Variants in HMGN5 observed in about 807,000 individuals in gnomAD.
The protein encoded by HMGN5 is high mobility group nucleosome binding domain 5.
A neutral mutation model predicts 9.5 loss-of-function variants in HMGN5; 4 were observed. The ratio of observed to expected loss-of-function variants is 0.42; its 90% CI spans 0.21 to 0.96. The LOEUF is 0.96. Ranked by LOEUF, HMGN5 falls within the 40% of genes least tolerant of loss-of-function variation. HMGN5 has a pLI of 0.30. For missense variants in HMGN5, 192 were observed against 187.5 expected (o/e 1.02, Z -0.14); for synonymous variants, 55 against 57.1 (o/e 0.96, Z 0.16).
chrX:81,199,637 C>A (rs147040111), intron 1 of HMGN5, among the ~76,000 whole-genome samples: 2,163 of 112,053 alleles, frequency 0.019, 48 homozygotes, highest in African/African-American at 0.066. Context: ...AAAGGATTCC[C>A]TATTTAATAA....
chrX:81,117,415 T>C (rs2075256980), intron 5 of HMGN5, among the ~76,000 whole-genome samples: 1 of 108,772 alleles, frequency 9.2e-6, no homozygotes, highest in African/African-American at 3.4e-5. Flanking sequence ...CGGCTAATTT[T>C]TGTATTTTCT....
intron 5 of HMGN5, among the ~76,000 whole-genome samples, chrX:81,117,584 T>C (rs772748616): frequency 2.2e-4 from 25 of 111,390 alleles, no homozygotes; most frequent in African/African-American, 5.9e-4. Flanking sequence ...GTATTTACTG[T>C]TTTAAAAACT....
intron 1 of HMGN5, among the ~76,000 whole-genome samples, chrX:81,123,586 G>A (rs1226493899): frequency 1.8e-5 from 2 of 112,345 alleles, no homozygotes; most frequent in African/African-American, 6.5e-5. Context: ...ATGAAAATGT[G>A]TCAGCAGTGG....
At chrX:81,182,175 A>G (rs1236369259) in intron 1 of HMGN5, among the ~76,000 whole-genome samples, 3 of 111,949 alleles carry the variant, frequency 2.7e-5, no homozygotes, top group African/African-American at 9.7e-5. Context: ...TGCGGTTTTG[A>G]TACGCATTTC....
At chrX:81,139,052 G>T (rs1006383246) in intron 1 of HMGN5, among the ~76,000 whole-genome samples, 1 of 111,802 alleles carries the variant, frequency 8.9e-6, no homozygotes, top group Non-Finnish European at 1.9e-5. Context: ...TCTCTGAATT[G>T]GTCTATAGAT....
chrX:81,165,182 A>G (rs2075407732), intron 1 of HMGN5, among the ~76,000 whole-genome samples: 2 of 111,086 alleles, frequency 1.8e-5, no homozygotes, highest in Admixed American at 1.9e-4. Flanking sequence ...GGTCTCATCC[A>G]TTCCCATGGA....
intron 1 of HMGN5, among the ~76,000 whole-genome samples, chrX:81,124,901 C>T (rs748236595): frequency 1.8e-5 from 2 of 110,637 alleles, no homozygotes; most frequent in East Asian, 2.8e-4. Flanking sequence ...GGAACTGTAA[C>T]GTGTCCATTT....
intron 1 of HMGN5, among the ~76,000 whole-genome samples, chrX:81,190,145 G>A (rs1036240515): frequency 7.2e-5 from 8 of 111,099 alleles, no homozygotes; most frequent in African/African-American, 1.3e-4. Context: ...TTAAGTATTC[G>A]TATATTTTGT....
intron 1 of HMGN5, among the ~76,000 whole-genome samples, chrX:81,165,164 C>T (rs2075407668): frequency 9.0e-6 from 1 of 110,912 alleles, no homozygotes; most frequent in Non-Finnish European, 1.9e-5. Flanking sequence ...TGTATTTTTT[C>T]CTTAGTTGGT....
chrX:81,160,478 C>G (rs2075395258), intron 1 of HMGN5, among the ~76,000 whole-genome samples: 1 of 110,818 alleles, frequency 9.0e-6, no homozygotes, highest in Non-Finnish European at 1.9e-5. Flanking sequence ...AGGTTTTAAG[C>G]CCCACATTGA....
chrX:81,150,775 A>C (rs904955219), intron 1 of HMGN5, among the ~76,000 whole-genome samples: 4 of 111,418 alleles, frequency 3.6e-5, no homozygotes, highest in Non-Finnish European at 7.5e-5. Context: ...TAAATGGAAA[A>C]TGAAAAAGGA....
chrX:81,195,471 C>A (rs2075505466), intron 1 of HMGN5, among the ~76,000 whole-genome samples: 1 of 111,430 alleles, frequency 9.0e-6, no homozygotes, highest in African/African-American at 3.3e-5. Flanking sequence ...CCTTTGGCAA[C>A]ACCCTCACAG....
intron 1 of HMGN5, among the ~76,000 whole-genome samples, chrX:81,155,583 A>G (rs1359723088): frequency 8.9e-6 from 1 of 111,850 alleles, no homozygotes; most frequent in Non-Finnish European, 1.9e-5. Flanking sequence ...AATGTAAAGG[A>G]ATGAACAATT....
chrX:81,138,689 A>T (rs1463339537), intron 1 of HMGN5, among the ~76,000 whole-genome samples: 2 of 111,550 alleles, frequency 1.8e-5, no homozygotes, highest in African/African-American at 6.5e-5. Context: ...GGAAAGGAAT[A>T]AAATTGTCCC....
intron 1 of HMGN5, among the ~76,000 whole-genome samples, chrX:81,131,901 A>G (rs1208812788): frequency 1.8e-5 from 2 of 111,278 alleles, no homozygotes; most frequent in African/African-American, 3.3e-5. Flanking sequence ...GGGCATTCAA[A>G]TAGGAAGAGA....
chrX:81,179,087 C>A (rs1485709143), intron 1 of HMGN5, among the ~76,000 whole-genome samples: 2 of 111,583 alleles, frequency 1.8e-5, no homozygotes, highest in African/African-American at 3.3e-5. Flanking sequence ...AAACCCACAG[C>A]CAATATAATA....
At chrX:81,117,377 C>G (rs2075256842) in intron 5 of HMGN5, among the ~76,000 whole-genome samples, 3 of 105,293 alleles carry the variant, frequency 2.8e-5, no homozygotes, top group African/African-American at 1.0e-4. Flanking sequence ...ACAACAGCCT[C>G]CCAAGCAGCT....
At chrX:81,168,885 T>C (rs2075418111) in intron 1 of HMGN5, among the ~76,000 whole-genome samples, 1 of 111,233 alleles carries the variant, frequency 9.0e-6, no homozygotes, top group Admixed American at 9.6e-5. Flanking sequence ...CTAGGAAAAG[T>C]TTACAGTTGA....
intron 1 of HMGN5, among the ~76,000 whole-genome samples, chrX:81,149,001 G>T (rs2075353413): frequency 8.9e-6 from 1 of 111,799 alleles, no homozygotes; most frequent in Non-Finnish European, 1.9e-5. Context: ...AGGATGTGGA[G>T]AAATAGGAAC....
Sources: allele counts gnomAD v4.1 joint callset (sites outside exome capture counted in the v4.1 genomes callset), GRCh38; gene constraint gnomAD v4.1.1; transcripts MANE v1.5; gene names NCBI Gene and HGNC (gene_info 2026-07-23, HGNC 2026-07-21).